The following FBXO17 variants were observed in gnomAD, a reference collection of about 807,000 sequenced individuals.
FBXO17 encodes the protein F-box only protein 17.
A neutral mutation model predicts 34.1 loss-of-function variants in FBXO17; 43 were observed. The observed-to-expected ratio is 1.26, with a 90% CI of 0.99 to 1.62. The LOEUF (loss-of-function observed/expected upper bound fraction) is 1.62. Ranked by LOEUF, FBXO17 falls within the 40% of genes most tolerant of loss-of-function variation. The pLI is 0.00. For synonymous variants in FBXO17, 169 were observed against 166.0 expected, an observed-to-expected ratio of 1.02 and a Z score of -0.14; for missense variants, 424 against 386.7, an observed-to-expected ratio of 1.10 and a Z score of -0.81.
intron 5 of FBXO17, among the ~76,000 whole-genome samples, chr19:38,943,313 G>A (rs1043882813): frequency 9.2e-5 from 14 of 151,534 alleles, no homozygotes; most frequent in Middle Eastern, 3.4e-3. Flanking sequence ...TCACTCTGTC[G>A]CCCAGGCTGG....
intron 1 of FBXO17, among the ~76,000 whole-genome samples, chr19:38,954,212 G>T (rs1315560630): frequency 2.0e-5 from 3 of 151,908 alleles, no homozygotes; most frequent in Non-Finnish European, 1.5e-5. Flanking sequence ...TTTAACCAGG[G>T]TCTCATGCAG....
At chr19:38,945,342 C>A in intron 4 of FBXO17, 1 of 533,968 alleles carries the variant, frequency 1.9e-6, no homozygotes, top group Non-Finnish European at 3.2e-6. Context: ...GGGGGAGGAG[C>A]CTGGGTGGTC....
intron 1 of FBXO17, among the ~76,000 whole-genome samples, chr19:38,973,642 G>T (rs1179128721): frequency 2.0e-5 from 3 of 152,098 alleles, no homozygotes; most frequent in Non-Finnish European, 2.9e-5. Flanking sequence ...TAGAATTGAA[G>T]AAATTAATAT....
chr19:38,952,688 A>C, intron 1 of FBXO17: 1 of 529,110 alleles, frequency 1.9e-6, no homozygotes, highest in Non-Finnish European at 3.9e-6. Context: ...TGATTTCTAT[A>C]ACCAGATAGT....
At chr19:38,957,967 A>G (rs1192825343) in intron 1 of FBXO17, among the ~76,000 whole-genome samples, 1 of 152,074 alleles carries the variant, frequency 6.6e-6, no homozygotes, top group Admixed American at 6.6e-5. Flanking sequence ...TTAGTCAGGC[A>G]TAGTGTCATG....
rs532014818 is a variant in FBXO17, at chr19:38,965,342, T to TG, written c.-18+10243_-18+10244insC. Among the ~76,000 whole-genome samples, 123 of 151,726 alleles carry TG rather than the reference T, an allele frequency of 8.1e-4. No homozygotes were observed. The South Asian group carries it at 8.5e-3, about 11-fold the overall frequency. On this transcript the variant is annotated intron_variant, in intron 1 of 5. Transcript: ENST00000292852. ...AACATTCTTTTTCTTTTCTTTTTTT[T>TG]TTTTGAGATGGAGTCTCTCTCTGTC...
intron 1 of FBXO17, among the ~76,000 whole-genome samples, chr19:38,971,176 C>T (rs538764811): frequency 1.3e-5 from 2 of 151,894 alleles, no homozygotes; most frequent in South Asian, 4.2e-4. Context: ...AGATGATGGA[C>T]CTCTAATAAC....
rs1483018936 is a variant in FBXO17, at chr19:38,974,014, A to ATG, written c.-18+1570_-18+1571dup. Among the ~76,000 whole-genome samples, 11 of 132,246 alleles carry ATG rather than the reference A, an allele frequency of 8.3e-5. No individual in the cohort carries two copies. In the East Asian group the frequency reaches 1.7e-3, roughly 20 times the overall value. 86.8% of individuals were successfully genotyped at this position (132,246 alleles called of 152,430 possible). On this transcript the variant is annotated intron_variant, in intron 1 of 5. Transcript: ENST00000292852. Reference sequence around the variant, plus strand: ...ATTTGAGACAGGGTCTCAAATATATATGTGTATATATATATATACATATAT... The same window carrying ATG: ...ATTTGAGACAGGGTCTCAAATATATATGTGTGTATATATATATATACATATAT...
chr19:38,961,064 T>TC (rs1975243058), intron 1 of FBXO17, among the ~76,000 whole-genome samples: 1 of 152,090 alleles, frequency 6.6e-6, no homozygotes, highest in Non-Finnish European at 1.5e-5. Context: ...CGCCTTGGCC[T>TC]CCTAAAGTGT....
chr19:38,955,055 C>T (rs1050031848), intron 1 of FBXO17, among the ~76,000 whole-genome samples: 7 of 151,378 alleles, frequency 4.6e-5, no homozygotes, highest in Admixed American at 1.3e-4. Flanking sequence ...CTCAGCCTCC[C>T]GGGTAACTGA....
chr19:38,968,114 T>A (rs1006188724), intron 1 of FBXO17, among the ~76,000 whole-genome samples: 1 of 151,854 alleles, frequency 6.6e-6, no homozygotes, highest in African/African-American at 2.4e-5. Context: ...AGGTCAAGAG[T>A]TCGAGACCAG....
At chr19:38,967,384 G>A (rs1372088919) in intron 1 of FBXO17, among the ~76,000 whole-genome samples, 1 of 152,006 alleles carries the variant, frequency 6.6e-6, no homozygotes, top group Non-Finnish European at 1.5e-5. Context: ...AGGTTGCAGT[G>A]AGCTGAGATC....
chr19:38,948,225 C>G (rs539932318), intron 3 of FBXO17, among the ~76,000 whole-genome samples: 5 of 150,190 alleles, frequency 3.3e-5, no homozygotes, highest in Admixed American at 2.0e-4. Flanking sequence ...ATCTGCCCAC[C>G]TCGGGCTCTC....
chr19:38,946,283 TG>T, intron 4 of FBXO17, 188 bp downstream of exon 4: 2 of 987,750 alleles, frequency 2.0e-6, no homozygotes, highest in Non-Finnish European at 2.9e-6. Context: ...GAGTGCAGAG[TG>T]GGGGCTCTGG....
intron 1 of FBXO17, among the ~76,000 whole-genome samples, chr19:38,953,855 G>T (rs552966279): frequency 1.3e-4 from 20 of 152,262 alleles, no homozygotes; most frequent in African/African-American, 4.8e-4. Flanking sequence ...CACAGCAGGA[G>T]AACGGGTGTG....
chr19:38,972,646 A>G (rs897329340), intron 1 of FBXO17, among the ~76,000 whole-genome samples: 1 of 152,078 alleles, frequency 6.6e-6, no homozygotes, highest in African/African-American at 2.4e-5. Flanking sequence ...CTTTGTTTCA[A>G]AATAATCTTA....
At chr19:38,960,333 G>C (rs975381874) in intron 1 of FBXO17, among the ~76,000 whole-genome samples, 1 of 151,474 alleles carries the variant, frequency 6.6e-6, no homozygotes, top group African/African-American at 2.4e-5. Context: ...TCAGCTATGC[G>C]GTCCTCACTT....
intron 5 of FBXO17, among the ~76,000 whole-genome samples, chr19:38,943,321 T>A (rs1348194766): frequency 6.6e-6 from 1 of 152,188 alleles, no homozygotes; most frequent in Non-Finnish European, 1.5e-5. Context: ...TCGCCCAGGC[T>A]GGAGTACAGT....
At position 38,948,612 on chromosome 19, in the gene FBXO17, G is replaced by T; in HGVS notation, c.416C>A (p.Pro139Gln). Residue 139 changes from proline to glutamine, a missense_variant, in exon 3 of 6, where the codon CCG becomes CAG. Transcript: ENST00000292852. ...GGTCTGCGAAGGAGCCCCAGGCACC[G>T]GTGTTAGGTTCTTTTCTATGGCCCA... ...NGWAIEKNLT[P>Q]VPGAPSQTCF... The T allele has an allele frequency of 6.2e-7, 1 of 1,614,128 alleles. No homozygotes were observed.
Sources: allele counts gnomAD v4.1 joint callset (sites outside exome capture counted in the v4.1 genomes callset), GRCh38; gene constraint gnomAD v4.1.1; transcripts MANE v1.5; gene names NCBI Gene and HGNC (gene_info 2026-07-23, HGNC 2026-07-21).